The following STK24 variants were observed in gnomAD, a reference collection of about 807,000 sequenced individuals.
The protein encoded by STK24 is serine/threonine-protein kinase 24.
In STK24, 21 loss-of-function variants were observed where a neutral mutation model predicts 55.6. The ratio of observed to expected loss-of-function variants is 0.38; its 90% CI spans 0.27 to 0.54. STK24 has a LOEUF of 0.54. STK24 is among the 20% of genes least tolerant of loss of function. STK24 has a pLI of 0.79. For synonymous variants in STK24, 200 were observed against 215.2 expected, an observed-to-expected ratio of 0.93 and a Z score of 0.62; for missense variants, 383 against 538.4, an observed-to-expected ratio of 0.71 and a Z score of 2.86.
At chr13:98,488,790 C>A (rs949925232) in intron 2 of STK24, among the ~76,000 whole-genome samples, 3 of 152,026 alleles carry the variant, frequency 2.0e-5, no homozygotes, top group African/African-American at 7.3e-5. Flanking sequence ...AGAGGTCACA[C>A]GAACCCACCA....
At position 98,447,994 on chromosome 13, in the gene STK24, G is replaced by C. The variant is rs1892960840; in HGVS notation, c.*5179C>G. The stretch of plus-strand genomic sequence containing the variant: ...CCTCGCTCCTAACTGCTCCAATGGA[G>C]CGGGCAGTGTCACTGCAGCAAGGTA... On this transcript the variant is annotated 3_prime_UTR_variant, in exon 11 of 11. Transcript: ENST00000539966. 8.9e-6 allele frequency: 5 copies of C among 558,960 alleles called. No individual in the cohort carries two copies. In the East Asian group the frequency reaches 1.5e-4, roughly 17 times the overall value. 34.6% of individuals were successfully genotyped at this position (558,960 alleles called of 1,614,324 possible).
intron 1 of STK24, among the ~76,000 whole-genome samples, chr13:98,554,291 T>C (rs555598021): frequency 6.6e-6 from 1 of 152,272 alleles, no homozygotes; most frequent in African/African-American, 2.4e-5. Flanking sequence ...CCCAAAGACA[T>C]TTAATACCTA....
At chr13:98,522,088 G>A (rs1047794668) in intron 1 of STK24, 29 of 1,348,770 alleles carry the variant, frequency 2.2e-5, no homozygotes, top group Middle Eastern at 4.9e-4. Flanking sequence ...GCCTGGCTCC[G>A]CTCTGGATCC....
In STK24 at chr13:98,549,264, G is replaced by A. The variant is rs1221988340; in HGVS notation, c.42+27481C>T. 3.5e-4 allele frequency among the ~76,000 whole-genome samples: 53 copies of A among 152,194 alleles called. 1 individual carries two copies. The highest frequency in any genetic ancestry group is 3.5e-3 in the Admixed American group (53 of 15,282). ...CATCGATTCATTGCTTACAGTTCTG[G>A]AGGTTGGGAAGTCCAAGGTCAAGGC... On this transcript the variant is annotated intron_variant, in intron 1 of 10. Transcript: ENST00000539966.
At position 98,446,002 on chromosome 13, in the gene STK24, G is replaced by A. The variant is rs1431756726; in HGVS notation, c.*7171C>T. 2.5e-6 allele frequency: 2 copies of A among 802,192 alleles called. No individual in the cohort carries two copies. Among genetic ancestry groups the A allele is most frequent in the Admixed American group, 2.3e-5 (1 of 44,222 alleles). The allele number at this position is 802,192 out of a possible 1,614,324, so 49.7% of individuals were successfully genotyped here. A position where few individuals can be genotyped will look rare whatever the true frequency, so the allele number is the denominator to read the frequency against. On this transcript the variant is annotated 3_prime_UTR_variant, in exon 11 of 11. Transcript: ENST00000539966. ...GCCCACATCCTTCAGTCACGGACAT[G>A]CCCCAGCCCAGGGCCCTGGTGCAGG...
intron 9 of STK24, among the ~76,000 whole-genome samples, chr13:98,459,427 A>C (rs1408420859): frequency 6.6e-6 from 1 of 152,228 alleles, no homozygotes; most frequent in Admixed American, 6.5e-5. Flanking sequence ...TTGCCAGGTC[A>C]GAGGCCCTCA....
At chr13:98,522,389 C>A (rs1345025633) in intron 1 of STK24, among the ~76,000 whole-genome samples, 1 of 152,172 alleles carries the variant, frequency 6.6e-6, no homozygotes, top group East Asian at 1.9e-4. Flanking sequence ...GACATTCTTG[C>A]AGAAATATAT....
At chr13:98,460,076 G>A (rs1030372210) in intron 9 of STK24, among the ~76,000 whole-genome samples, 1 of 152,236 alleles carries the variant, frequency 6.6e-6, no homozygotes, top group African/African-American at 2.4e-5. Context: ...AAAGAGAGCA[G>A]GCTGTACACA....
intron 2 of STK24, among the ~76,000 whole-genome samples, chr13:98,492,499 G>A (rs1054865896): frequency 3.9e-5 from 6 of 152,192 alleles, no homozygotes; most frequent in Admixed American, 2.0e-4. Flanking sequence ...GAATACCACC[G>A]GCCCACCCCT....
At chr13:98,564,905 A>G (rs1261587306) in intron 1 of STK24, among the ~76,000 whole-genome samples, 2 of 152,186 alleles carry the variant, frequency 1.3e-5, no homozygotes, top group East Asian at 3.9e-4. Context: ...CAAGGTCAAA[A>G]AGACATGGAA....
intron 2 of STK24, among the ~76,000 whole-genome samples, chr13:98,501,394 C>T (rs979996219): frequency 2.6e-5 from 4 of 151,964 alleles, no homozygotes; most frequent in Admixed American, 2.0e-4. Context: ...GCAGGGGCAG[C>T]GAGAGAGACT....
chr13:98,532,661 G>A (rs1740878212), intron 1 of STK24, among the ~76,000 whole-genome samples: 1 of 152,214 alleles, frequency 6.6e-6, no homozygotes, highest in Non-Finnish European at 1.5e-5. Flanking sequence ...ATGGCTCCAA[G>A]AAGCTCAAAG....
intron 5 of STK24, among the ~76,000 whole-genome samples, chr13:98,468,693 C>A (rs1250448921): frequency 1.3e-5 from 2 of 152,210 alleles, no homozygotes; most frequent in Non-Finnish European, 1.5e-5. Flanking sequence ...TGTCTCCTGG[C>A]CACACAGACC....
intron 2 of STK24, among the ~76,000 whole-genome samples, chr13:98,487,671 A>G (rs184933331): frequency 6.6e-6 from 1 of 152,342 alleles, no homozygotes; most frequent in Non-Finnish European, 1.5e-5. Flanking sequence ...AAGTTTCTTA[A>G]AGAGCAGTCC....
Position 98,450,042 on chromosome 13 carries a change from A to ATTGAT in STK24, c.*3126_*3130dup, listed in dbSNP as rs1247484864. On this transcript the variant is annotated 3_prime_UTR_variant, in exon 11 of 11. Transcript: ENST00000539966. Reference sequence around the variant, plus strand: ...CTCCTCAGCTATTTATTTCTGAATGATTGATTGATTCCAAACTACTTGCTG... The same window carrying ATTGAT: ...CTCCTCAGCTATTTATTTCTGAATGATTGATTTGATTGATTCCAAACTACTTGCTG... 5 of 83,538 alleles carry ATTGAT rather than the reference A, an allele frequency of 6.0e-5. No homozygotes were observed. Among genetic ancestry groups the ATTGAT allele is most frequent in the Non-Finnish European group, 9.0e-5 (3 of 33,500 alleles). 5.2% of individuals were successfully genotyped at this position (83,538 alleles called of 1,614,324 possible).
Position 98,577,024 on chromosome 13 carries a change from T to TGCC in STK24, c.-241_-239dup, listed in dbSNP as rs907434355. 128 of 147,776 alleles carry TGCC rather than the reference T, an allele frequency of 8.7e-4. 1 individual carries two copies. Among genetic ancestry groups the TGCC allele is most frequent in the Middle Eastern group, 3.4e-3 (1 of 296 alleles). The allele number at this position is 147,776 out of a possible 1,614,324, so 9.2% of individuals were successfully genotyped here. On this transcript the variant is annotated 5_prime_UTR_variant, in exon 1 of 11. Transcript: ENST00000539966. This position sits in a 1 kb window ranked among gnomAD's most constrained non-coding sequence, Gnocchi z 4.1. ...TGGGGGCGCAGGGCCTCGCGCGCAC[T>TGCC]GCCGCCGCCGCCGCTGCTGCCGCTA...
intron 1 of STK24, among the ~76,000 whole-genome samples, chr13:98,520,899 T>C (rs1250936536): frequency 6.6e-6 from 1 of 152,220 alleles, no homozygotes; most frequent in Admixed American, 6.5e-5. Context: ...CCCTGCCCCA[T>C]GTTTGTTTGA....
intron 2 of STK24, among the ~76,000 whole-genome samples, chr13:98,496,562 G>T (rs1235485107): frequency 2.0e-5 from 3 of 152,160 alleles, no homozygotes; most frequent in Non-Finnish European, 4.4e-5. Context: ...CTCTGGGTGT[G>T]TCCCCACACG....
At chr13:98,506,495 G>A (rs1432612466) in intron 2 of STK24, among the ~76,000 whole-genome samples, 1 of 152,200 alleles carries the variant, frequency 6.6e-6, no homozygotes, top group African/African-American at 2.4e-5. Context: ...GGCAGCAGCT[G>A]ATGCGAGCAC....
Sources: gnomAD v4.1 joint callset for allele counts (sites outside exome capture counted in the v4.1 genomes callset) on GRCh38, gnomAD v4.1.1 for gene constraint, Gnocchi (gnomAD v3.1) non-coding constraint, MANE v1.5 for transcripts, NCBI Gene and HGNC (gene_info 2026-07-23, HGNC 2026-07-21) for gene names.